The following NXN variants were observed in gnomAD, a reference collection of about 807,000 sequenced individuals.
NXN encodes nucleoredoxin 1.
Under a neutral mutation model 48.6 loss-of-function variants are expected in NXN, and 16 were observed. That is an observed-to-expected ratio of 0.33 (90% CI 0.22 to 0.50). The LOEUF is 0.50. Among genes scored for constraint, NXN ranks in the 20% least tolerant of loss-of-function variants. The pLI is 0.98. For synonymous variants in NXN, 281 were observed against 269.6 expected (o/e 1.04, Z -0.41); for missense variants, 492 against 605.5 (o/e 0.81, Z 1.97).
intron 1 of NXN, among the ~76,000 whole-genome samples, chr17:951,172 A>G (rs2069105014): frequency 2.0e-5 from 1 of 49,926 alleles, no homozygotes; most frequent in South Asian, 9.0e-4. Flanking sequence ...CCCTGTCTCT[A>G]CTTAAAAAAA....
chr17:945,473 C>T (rs1300223850), intron 1 of NXN, among the ~76,000 whole-genome samples: 1 of 150,722 alleles, frequency 6.6e-6, no homozygotes, highest in Non-Finnish European at 1.5e-5. Flanking sequence ...ACTAAAAATA[C>T]GAAAAAAATT....
At chr17:905,976 CAAAAAAAA>C (rs71145792) in intron 1 of NXN, among the ~76,000 whole-genome samples, 2 of 118,576 alleles carry the variant, frequency 1.7e-5, no homozygotes, top group African/African-American at 6.6e-5. Flanking sequence ...GACCTTGTCT[CAAAAAAAA>C]AAAAAAGAAA....
In NXN at chr17:917,892, T is replaced by G. The variant is rs2068704726; in HGVS notation, c.360+61427A>C. On this transcript the variant is annotated intron_variant, in intron 1 of 7. Transcript: ENST00000336868. This position sits in a 1 kb window ranked among gnomAD's most constrained non-coding sequence, Gnocchi z 4.5. ...GGGACTGCGTACTGGTGAAGAAGAATGTGGTCTGTATTCAGTTTTGTTGAC... is the reference window on the plus strand; with the variant it reads ...GGGACTGCGTACTGGTGAAGAAGAAGGTGGTCTGTATTCAGTTTTGTTGAC... Among the ~76,000 whole-genome samples, 1 of 152,200 alleles carries G rather than the reference T, an allele frequency of 6.6e-6. No individual in the cohort carries two copies. The highest frequency in any genetic ancestry group is 1.5e-5 in the Non-Finnish European group (1 of 68,030).
chr17:850,190 C>T (rs751929471), intron 1 of NXN, among the ~76,000 whole-genome samples: 19 of 152,292 alleles, frequency 1.2e-4, no homozygotes, highest in Non-Finnish European at 2.1e-4. Context: ...AATCACCTGA[C>T]GGACGCTCTC....
chr17:822,453 G>A lies in NXN; in HGVS notation c.617C>T (p.Pro206Leu), dbSNP rs139124108. ...VGVYFSAHWC[P>L]PCRSLTRVLV... ...GACCCGGGTGAGGCTTCGGCAGGGC[G>A]GACACTGAAAGACAGGACAGCAAGA... Residue 206 changes from proline to leucine, a missense_variant, in exon 4 of 8, where the codon CCG becomes CTG. By Grantham distance (98) the Pro-to-Leu change is moderately conservative. Around this residue, in one of 3 missense-constraint regions of NXN, gnomAD observed 303 missense variants for 388.3 expected, o/e 0.78. Transcript: ENST00000336868. The A allele has an allele frequency of 5.0e-6, 8 of 1,613,126 alleles. No homozygotes were observed. The highest frequency in any genetic ancestry group is 4.0e-5 in the African/African-American group (3 of 74,872).
chr17:868,604 C>G (rs1389210617), intron 1 of NXN, among the ~76,000 whole-genome samples: 3 of 152,208 alleles, frequency 2.0e-5, no homozygotes, highest in South Asian at 2.1e-4. Flanking sequence ...CCATTCTCCT[C>G]CCTCAGCCTC....
At chr17:907,829 G>C (rs951401716) in intron 1 of NXN, 2 of 152,146 alleles carry the variant, frequency 1.3e-5, no homozygotes, top group African/African-American at 4.8e-5. Flanking sequence ...AAACAAGGGA[G>C]GTGGGTTCTG....
intron 1 of NXN, among the ~76,000 whole-genome samples, chr17:942,689 C>T (rs71357136): frequency 4.5e-3 from 388 of 86,778 alleles, no homozygotes; most frequent in Middle Eastern, 7.0e-3. Context: ...GATTCCAGGG[C>T]GCAGCCATGA....
chr17:921,642 C>T (rs553327862), intron 1 of NXN, among the ~76,000 whole-genome samples: 3 of 151,594 alleles, frequency 2.0e-5, no homozygotes, highest in African/African-American at 4.8e-5. Context: ...ATCCTCACTG[C>T]CCCTGGACAA....
intron 1 of NXN, among the ~76,000 whole-genome samples, chr17:897,757 C>G (rs538568093): frequency 2.6e-5 from 4 of 152,248 alleles, no homozygotes; most frequent in East Asian, 1.9e-4. Context: ...CTCACTGCAA[C>G]CTCGGCCTCC....
intron 1 of NXN, among the ~76,000 whole-genome samples, chr17:853,723 A>T (rs12940316): frequency 0.27 from 28,673 of 105,950 alleles, 4,334 homozygotes; most frequent in Non-Finnish European, 0.31. Context: ...ATATATATAT[A>T]TTTTTTTTTT....
chr17:951,475 G>C (rs1442130269), intron 1 of NXN, among the ~76,000 whole-genome samples: 1 of 151,002 alleles, frequency 6.6e-6, no homozygotes, highest in African/African-American at 2.4e-5. Context: ...TCTCTCTGTT[G>C]AGATGCTCAC....
chr17:902,108 CG>C (rs1453913309), intron 1 of NXN, among the ~76,000 whole-genome samples: 1 of 152,166 alleles, frequency 6.6e-6, no homozygotes, highest in Admixed American at 6.5e-5. Flanking sequence ...AAAATACCCT[CG>C]GGTGTTTGTC....
rs186825510 is a variant in NXN, at chr17:844,523, G to C, written c.361-18445C>G. ...GATCGCATGTGAAGGCCAATGAAAG[G>C]ACTTTGCAAAAAATACAAATATATG... On this transcript the variant is annotated intron_variant, in intron 1 of 7. Transcript: ENST00000336868. 3.3e-5 allele frequency among the ~76,000 whole-genome samples: 5 copies of C among 152,318 alleles called. No homozygotes were observed. The East Asian group carries it at 9.6e-4, about 29-fold the overall frequency.
At chr17:816,606 T>C (rs1247568604) in intron 5 of NXN, among the ~76,000 whole-genome samples, 1 of 152,076 alleles carries the variant, frequency 6.6e-6, no homozygotes, top group Non-Finnish European at 1.5e-5. Flanking sequence ...TTCAAAGCAC[T>C]CACAGTTCAA....
At chr17:850,984 A>C (rs1216736324) in intron 1 of NXN, among the ~76,000 whole-genome samples, 2 of 152,210 alleles carry the variant, frequency 1.3e-5, no homozygotes, top group Admixed American at 6.5e-5. Flanking sequence ...GGACGATGCC[A>C]CTACTCACTT....
chr17:843,811 T>C (rs1231717613), intron 1 of NXN, among the ~76,000 whole-genome samples: 2 of 152,168 alleles, frequency 1.3e-5, no homozygotes, highest in Non-Finnish European at 1.5e-5. Context: ...GCAGCGTCTT[T>C]GGGAGATGGG....
chr17:929,832 C>A (rs1374739385), intron 1 of NXN: 1 of 152,060 alleles, frequency 6.6e-6, no homozygotes, highest in South Asian at 2.1e-4. Flanking sequence ...AGTGTTTAAT[C>A]CAAAGACAGC....
In NXN at chr17:823,781, G is replaced by A; in HGVS notation, c.479-16C>T. On this transcript the variant is annotated splice_polypyrimidine_tract_variant and intron_variant, in intron 2 of 7. Coordinates refer to ENST00000336868, the MANE Select transcript of NXN (RefSeq NM_022463.5). ...AACTCCAGACCTGAAACAGAAAACA[G>A]ATGGTAAAAGAGGGCTTAGACCCTT... The A allele has an allele frequency of 1.2e-6, 2 of 1,614,066 alleles. No homozygotes were observed. The highest frequency in any genetic ancestry group is 1.1e-5 in the South Asian group (1 of 91,078).
Sources: gnomAD v4.1 joint callset for allele counts (sites outside exome capture counted in the v4.1 genomes callset) on GRCh38, gnomAD v4.1.1 for gene constraint, gnomAD v4.1.1 regional missense constraint, Gnocchi (gnomAD v3.1) non-coding constraint, MANE v1.5 for transcripts, NCBI Gene and HGNC (gene_info 2026-07-23, HGNC 2026-07-21) for gene names.